Variants in FCER1G observed in about 807,000 individuals in gnomAD.
The protein encoded by FCER1G is Fc epsilon receptor Ig, also known as high affinity immunoglobulin epsilon receptor subunit gamma.
Under a neutral mutation model 17.3 loss-of-function variants are expected in FCER1G, and 7 were observed. That is an observed-to-expected ratio of 0.40 (90% CI 0.23 to 0.76). FCER1G has a LOEUF of 0.76. Among genes scored for constraint, FCER1G ranks in the 30% least tolerant of loss-of-function variants. The probability of loss-of-function intolerance (pLI) is 0.35; values close to 1 mark genes in which losing one functional copy is unlikely to be tolerated. For synonymous variants in FCER1G, 35 were observed against 38.7 expected (o/e 0.90, Z 0.35); for missense variants, 87 against 97.7 (o/e 0.89, Z 0.46).
intron 1 of FCER1G, among the ~76,000 whole-genome samples, chr1:161,217,783 A>G (rs1272196934): frequency 6.6e-6 from 1 of 152,180 alleles, no homozygotes; most frequent in African/African-American, 2.4e-5. Flanking sequence ...AGAACCCTCA[A>G]GCTTCCTATC....
chr1:161,218,452 G>A (rs1435943546), intron 3 of FCER1G, among the ~76,000 whole-genome samples, 176 bp downstream of exon 3: 1 of 152,166 alleles, frequency 6.6e-6, no homozygotes, highest in Non-Finnish European at 1.5e-5. Flanking sequence ...ATATTCAGCA[G>A]GTGACAGGGA....
chr1:161,217,306 A>G (rs59440834), intron 1 of FCER1G, among the ~76,000 whole-genome samples: 1 of 152,002 alleles, frequency 6.6e-6, no homozygotes, highest in East Asian at 1.9e-4. Flanking sequence ...AGGAGCTGGA[A>G]TCCATATAGC....
chr1:161,217,680 A>G (rs1031896450), intron 1 of FCER1G, among the ~76,000 whole-genome samples: 1 of 152,086 alleles, frequency 6.6e-6, no homozygotes, highest in African/African-American at 2.4e-5. Context: ...AAAGTGCTCA[A>G]TGGTGCCTGA....
intron 1 of FCER1G, among the ~76,000 whole-genome samples, chr1:161,216,425 TATAG>T (rs1197158602): frequency 8.8e-4 from 124 of 140,868 alleles, no homozygotes; most frequent in Middle Eastern, 3.5e-3. Flanking sequence ...TATATATATA[TATAG>T]AGAGAGAGAG....
intron 1 of FCER1G, among the ~76,000 whole-genome samples, chr1:161,217,045 A>G (rs150902299): frequency 1.5e-3 from 233 of 152,296 alleles, no homozygotes; most frequent in African/African-American, 5.4e-3. Flanking sequence ...CACCCATAAA[A>G]TGGCGATGAT....
At chr1:161,218,555 G>A (rs1666096844) in intron 3 of FCER1G, 148 bp from the exon 4 acceptor site, 2 of 783,474 alleles carry the variant, frequency 2.6e-6, no homozygotes, top group Non-Finnish European at 4.5e-6. Context: ...GGGCAAACAG[G>A]TATCCATGTC....
chr1:161,216,673 C>T (rs1353990572), intron 1 of FCER1G, among the ~76,000 whole-genome samples: 1 of 152,136 alleles, frequency 6.6e-6, no homozygotes, highest in African/African-American at 2.4e-5. Flanking sequence ...AGCTCTACAG[C>T]TCCAGCCACT....
At chr1:161,215,753 C>T (rs904514199) in intron 1 of FCER1G, among the ~76,000 whole-genome samples, 5 of 152,034 alleles carry the variant, frequency 3.3e-5, no homozygotes, top group Non-Finnish European at 5.9e-5. Context: ...CCACCACGCC[C>T]GGCTAAGTTA....
At position 161,218,364 on chromosome 1, in the gene FCER1G, G is replaced by A. The variant is rs890737246; in HGVS notation, c.177+88G>A. The A allele has an allele frequency of 2.6e-6, 3 of 1,138,458 alleles. No homozygotes were observed. The African/African-American group carries it at 4.6e-5, about 17-fold the overall frequency. The allele number at this position is 1,138,458 out of a possible 1,614,324, so 70.5% of individuals were successfully genotyped here. A position where few individuals can be genotyped will look rare whatever the true frequency, so the allele number is the denominator to read the frequency against. On this transcript the variant is annotated intron_variant, in intron 3 of 4. Transcript: ENST00000289902. ...AGCCTGGGTTTCCGGGCCTCTGGGAGGGCCTGCCTCTCAGGTGCTGATCTG... is the reference window on the plus strand; with the variant it reads ...AGCCTGGGTTTCCGGGCCTCTGGGAAGGCCTGCCTCTCAGGTGCTGATCTG...
chr1:161,216,402 ACAC>A (rs1666050406), intron 1 of FCER1G, among the ~76,000 whole-genome samples: 1 of 142,130 alleles, frequency 7.0e-6, no homozygotes, highest in Admixed American at 7.3e-5. Flanking sequence ...ACACACACAC[ACAC>A]ACACACATAT....
At chr1:161,218,124 G>A in intron 2 of FCER1G, 47 bp downstream of exon 2, 2 of 1,543,200 alleles carry the variant, frequency 1.3e-6, no homozygotes, top group Non-Finnish European at 1.8e-6. Flanking sequence ...GAAGTGGGAG[G>A]AGGGCAGCAG....
rs538957910 is a variant in FCER1G at position 161,218,001 on chromosome 1, C to G, written c.65C>G (p.Pro22Arg). The part of the protein sequence containing the change: ...LVEQAAALGE[P>R]QLCYILDAIL... ...ATCCCCTCAGCGGCCCTGGGAGAGC[C>G]TCAGCTCTGCTATATCCTGGATGCC... The change falls in exon 2 of 5, where the codon CCT becomes CGT. Residue 22 changes from proline (P) to arginine (R), a missense_variant. Physicochemically the swap from Pro to Arg is moderately radical, Grantham distance 103 (BLOSUM62 -2). Transcript: ENST00000289902. 4 of 1,613,398 alleles carry G rather than the reference C, an allele frequency of 2.5e-6. No homozygotes were observed. The highest frequency in any genetic ancestry group is 2.5e-6 in the Non-Finnish European group (3 of 1,179,394).
chr1:161,218,033 T>C lies in FCER1G; in HGVS notation c.97T>C (p.Phe33Leu), dbSNP rs1301839254. Reference protein sequence around the residue: ...QLCYILDAILFLYGIVLTLLY... With the variant: ...QLCYILDAILLLYGIVLTLLY... ...CTGCTATATCCTGGATGCCATCCTG[T>C]TTCTGTATGGAATTGTCCTCACCCT... The change falls in exon 2 of 5, where the codon TTT becomes CTT. Residue 33 changes from phenylalanine to leucine, a missense_variant. Transcript: ENST00000289902. 1.2e-6 allele frequency: 2 copies of C among 1,613,974 alleles called. No individual in the cohort carries two copies. The highest frequency in any genetic ancestry group is 1.7e-6 in the Non-Finnish European group (2 of 1,179,952).
In FCER1G at chr1:161,215,377, G is replaced by A. The variant is rs1558088833; in HGVS notation, c.49+7G>A. ...CTTTTGGTTGAACAAGCAGGTAAGAGGGTTTGGTGAGGGATAGCGTGAGCT... is the reference window on the plus strand; with the variant it reads ...CTTTTGGTTGAACAAGCAGGTAAGAAGGTTTGGTGAGGGATAGCGTGAGCT... On this transcript the variant is annotated splice_region_variant and intron_variant, in intron 1 of 4. Coordinates refer to ENST00000289902, the MANE Select transcript of FCER1G (RefSeq NM_004106.2). The A allele has an allele frequency of 1.2e-6, 2 of 1,613,050 alleles. No individual in the cohort carries two copies. The highest frequency in any genetic ancestry group is 1.7e-6 in the Non-Finnish European group (2 of 1,179,210).
At chr1:161,217,716 G>T (rs1292289855) in intron 1 of FCER1G, among the ~76,000 whole-genome samples, 1 of 152,186 alleles carries the variant, frequency 6.6e-6, no homozygotes, top group African/African-American at 2.4e-5. Flanking sequence ...AAAAAGAAAA[G>T]GTTGGGGGCT....
At position 161,217,999 on chromosome 1, in the gene FCER1G, G is replaced by A. The variant is rs147892644; in HGVS notation, c.63G>A (p.Glu21=). Residue 21 remains glutamate (E), a synonymous_variant, in exon 2 of 5, where the codon GAG becomes GAA. Transcript: ENST00000289902. ...LLVEQAAALG[E]PQLCYILDAI... Reference sequence around the variant, plus strand: ...CTATCCCCTCAGCGGCCCTGGGAGAGCCTCAGCTCTGCTATATCCTGGATG... The same window carrying A: ...CTATCCCCTCAGCGGCCCTGGGAGAACCTCAGCTCTGCTATATCCTGGATG... The A allele has an allele frequency of 3.1e-6, 5 of 1,613,388 alleles. No homozygotes were observed. The highest frequency in any genetic ancestry group is 2.2e-5 in the South Asian group (2 of 91,062).
rs1228649709 is a variant in FCER1G at position 161,218,911 on chromosome 1, G to C, written c.229G>C (p.Glu77Gln). The C allele has an allele frequency of 4.3e-6, 7 of 1,613,862 alleles. No individual in the cohort carries two copies. The highest frequency in any genetic ancestry group is 2.5e-6 in the Non-Finnish European group (3 of 1,179,904). Residue 77 changes from glutamate to glutamine, a missense_variant, in exon 5 of 5, where the codon GAG becomes CAG. Glu to Gln is a conservative substitution (Grantham distance 29). Transcript: ENST00000289902. Reference sequence around the variant, plus strand: ...GAGCACCAGGAACCAGGAGACTTACGAGACTCTGAAGCATGAGAAACCACC... The same window carrying C: ...GAGCACCAGGAACCAGGAGACTTACCAGACTCTGAAGCATGAGAAACCACC... ...GLSTRNQETY[E>Q]TLKHEKPPQ
chr1:161,215,860 G>A (rs761656273), intron 1 of FCER1G, among the ~76,000 whole-genome samples: 12 of 151,660 alleles, frequency 7.9e-5, no homozygotes, highest in Non-Finnish European at 1.8e-4. Context: ...CCAAAGTGCT[G>A]GGATTACTGG....
intron 1 of FCER1G, among the ~76,000 whole-genome samples, chr1:161,216,507 A>G (rs1347348633): frequency 9.2e-5 from 14 of 151,892 alleles, no homozygotes; most frequent in Admixed American, 8.5e-4. Flanking sequence ...GCAAGGATAT[A>G]GCCAAGACAA....
Sources: allele counts gnomAD v4.1 joint callset (sites outside exome capture counted in the v4.1 genomes callset), GRCh38; gene constraint gnomAD v4.1.1; transcripts MANE v1.5; gene names NCBI Gene and HGNC (gene_info 2026-07-23, HGNC 2026-07-21).